The following SPTLC2 variants were observed in gnomAD, a reference collection of about 807,000 sequenced individuals.
SPTLC2 encodes the protein serine palmitoyltransferase long chain base subunit 2.
SPTLC2 carries 21 observed loss-of-function variants against 62.0 expected under a neutral mutation model. The ratio of observed to expected loss-of-function variants is 0.34; its 90% CI spans 0.24 to 0.49. SPTLC2 has a LOEUF of 0.49. Ranked by LOEUF, SPTLC2 falls within the 20% of genes least tolerant of loss-of-function variation. SPTLC2 has a pLI of 0.99. For synonymous variants in SPTLC2, 261 were observed against 261.8 expected (o/e 1.00, Z 0.03); for missense variants, 511 against 713.0 (o/e 0.72, Z 3.23).
intron 1 of SPTLC2, among the ~76,000 whole-genome samples, chr14:77,610,913 A>G (rs912390744): frequency 7.9e-6 from 1 of 126,690 alleles, no homozygotes; most frequent in African/African-American, 2.9e-5. Flanking sequence ...CTTTATATAT[A>G]TATATTTTTA....
At chr14:77,603,519 G>C (rs1451816801) in intron 1 of SPTLC2, among the ~76,000 whole-genome samples, 1 of 152,222 alleles carries the variant, frequency 6.6e-6, no homozygotes. Flanking sequence ...ACTGTGCTCT[G>C]AATGTGTATG....
chr14:77,591,865 A>G (rs1221485828), intron 2 of SPTLC2, among the ~76,000 whole-genome samples: 1 of 152,108 alleles, frequency 6.6e-6, no homozygotes, highest in East Asian at 1.9e-4. Flanking sequence ...CAGGGATTAC[A>G]GGCATGTGCC....
chr14:77,522,600 A>C (rs1042923159), intron 9 of SPTLC2, among the ~76,000 whole-genome samples: 1 of 152,226 alleles, frequency 6.6e-6, no homozygotes, highest in African/African-American at 2.4e-5. Context: ...TTGCCAACTG[A>C]CTAAATATTT....
At chr14:77,610,865 G>A (rs1407457863) in intron 1 of SPTLC2, among the ~76,000 whole-genome samples, 1 of 151,714 alleles carries the variant, frequency 6.6e-6, no homozygotes, top group Non-Finnish European at 1.5e-5. Context: ...GGGCAACATA[G>A]TGAGACTCTG....
chr14:77,586,226 C>T (rs2079780775), intron 2 of SPTLC2, among the ~76,000 whole-genome samples: 1 of 151,982 alleles, frequency 6.6e-6, no homozygotes, highest in African/African-American at 2.4e-5. Context: ...CAGGTGTGCA[C>T]CACCATATCC....
intron 9 of SPTLC2, among the ~76,000 whole-genome samples, chr14:77,541,213 A>T (rs2079499121): frequency 6.6e-6 from 1 of 151,320 alleles, no homozygotes. Context: ...ATTTTATTTT[A>T]TTTTTTTGTA....
intron 8 of SPTLC2, among the ~76,000 whole-genome samples, chr14:77,553,211 G>A (rs983849681): frequency 1.8e-4 from 27 of 152,058 alleles, no homozygotes; most frequent in African/African-American, 6.5e-4. Flanking sequence ...AGAAGCTTAT[G>A]TACCAGAACA....
chr14:77,512,221 C>T lies in SPTLC2; in HGVS notation c.*63G>A. The T allele has an allele frequency of 6.2e-7, 1 of 1,611,462 alleles. No individual in the cohort carries two copies. Among genetic ancestry groups the T allele is most frequent in the Non-Finnish European group, 8.5e-7 (1 of 1,179,378 alleles). ...ACAGAAGTGTGGTTCCTGGAACTGGCTCACAAAGGCCACAGGCTGTCCTGG... is the reference window on the plus strand; with the variant it reads ...ACAGAAGTGTGGTTCCTGGAACTGGTTCACAAAGGCCACAGGCTGTCCTGG... On this transcript the variant is annotated 3_prime_UTR_variant, in exon 12 of 12. Coordinates refer to ENST00000216484, the MANE Select transcript of SPTLC2 (RefSeq NM_004863.4).
chr14:77,594,843 GAT>G (rs1242515139), intron 2 of SPTLC2, among the ~76,000 whole-genome samples: 5 of 146,090 alleles, frequency 3.4e-5, no homozygotes, highest in Admixed American at 2.7e-4. Context: ...GGTCCCTGCA[GAT>G]AAAGAGTTTT....
At chr14:77,577,814 G>A (rs1389207883) in intron 3 of SPTLC2, among the ~76,000 whole-genome samples, 5 of 152,042 alleles carry the variant, frequency 3.3e-5, no homozygotes, top group Non-Finnish European at 7.4e-5. Flanking sequence ...GCAGGAGAAT[G>A]GCGTGAACCC....
At chr14:77,560,630 A>T (rs975494314) in intron 6 of SPTLC2, among the ~76,000 whole-genome samples, 10 of 148,310 alleles carry the variant, frequency 6.7e-5, no homozygotes, top group South Asian at 2.2e-4. Flanking sequence ...TAAAAATAAA[A>T]ATATATATAT....
At chr14:77,564,753 C>T (rs933879140) in intron 5 of SPTLC2, among the ~76,000 whole-genome samples, 1 of 151,914 alleles carries the variant, frequency 6.6e-6, no homozygotes, top group Non-Finnish European at 1.5e-5. Context: ...CCTGAAGCAG[C>T]TCCCAATGGC....
Position 77,566,145 on chromosome 14 carries a change from GTTCT to G in SPTLC2, c.757-3660_757-3657del, listed in dbSNP as rs2079643714. ...TCTGGCAAACCTGCAAAAGCATTAT[GTTCT>G]TTTTTTCTGGCAAAAAGGAACTCTT... is the stretch of plus-strand genomic sequence containing the variant. On this transcript the variant is annotated intron_variant, in intron 5 of 11. Coordinates refer to ENST00000216484, the MANE Select transcript of SPTLC2 (RefSeq NM_004863.4). Among the ~76,000 whole-genome samples the G allele has an allele frequency of 5.3e-5, 8 of 151,950 alleles. No homozygotes were observed. In the South Asian group the frequency reaches 1.7e-3, roughly 32 times the overall value.
chr14:77,605,341 T>C (rs1272299699), intron 1 of SPTLC2, among the ~76,000 whole-genome samples: 2 of 152,172 alleles, frequency 1.3e-5, no homozygotes, highest in African/African-American at 2.4e-5. Context: ...GTCATGTTTG[T>C]GGCAACAAAA....
rs2079311243 is a variant in SPTLC2, at chr14:77,507,460, T to G, written c.*4824A>C. 6.6e-6 allele frequency: 1 copy of G among 152,186 alleles called. No homozygotes were observed. Among genetic ancestry groups the G allele is most frequent in the Non-Finnish European group, 1.5e-5 (1 of 68,082 alleles). The allele number at this position is 152,186 out of a possible 1,614,324, so 9.4% of individuals were successfully genotyped here. Reference sequence around the variant, plus strand: ...ATTCCTGTGCCTCAGCCTCCTGACGTAGCTGGGATTACAGGCATGTGCCAC... The same window carrying G: ...ATTCCTGTGCCTCAGCCTCCTGACGGAGCTGGGATTACAGGCATGTGCCAC... On this transcript the variant is annotated 3_prime_UTR_variant, in exon 12 of 12. Transcript: ENST00000216484.
chr14:77,608,873 A>G (rs4903614), intron 1 of SPTLC2, among the ~76,000 whole-genome samples: 66,862 of 150,090 alleles, frequency 0.45, 15,141 homozygotes, highest in East Asian at 0.63. Flanking sequence ...AGCCGAGATC[A>G]CATCACTGCA....
At chr14:77,533,110 C>T (rs2079449505) in intron 9 of SPTLC2, among the ~76,000 whole-genome samples, 1 of 151,940 alleles carries the variant, frequency 6.6e-6, no homozygotes, top group African/African-American at 2.4e-5. Flanking sequence ...CCAGCTTGAC[C>T]AACATGGTGA....
intron 9 of SPTLC2, among the ~76,000 whole-genome samples, chr14:77,537,370 G>T (rs939891713): frequency 1.3e-5 from 2 of 151,426 alleles, no homozygotes; most frequent in African/African-American, 4.9e-5. Flanking sequence ...ATTTGCTCTT[G>T]TTTATAAGTT....
intron 6 of SPTLC2, among the ~76,000 whole-genome samples, chr14:77,558,856 A>G (rs765154061): frequency 3.3e-5 from 5 of 152,150 alleles, no homozygotes; most frequent in Non-Finnish European, 5.9e-5. Context: ...TCCTGACCTC[A>G]GGTGATCTGC....
Sources: allele counts gnomAD v4.1 joint callset (sites outside exome capture counted in the v4.1 genomes callset), GRCh38; gene constraint gnomAD v4.1.1; transcripts MANE v1.5; gene names NCBI Gene and HGNC (gene_info 2026-07-23, HGNC 2026-07-21).